Variants in SPIDR observed in about 807,000 individuals in gnomAD.
SPIDR encodes DNA repair-scaffolding protein.
SPIDR carries 93 observed loss-of-function variants against 104.6 expected under a neutral mutation model. The observed-to-expected ratio is 0.89, with a 90% CI of 0.75 to 1.06. The LOEUF is 1.06. SPIDR is among the 50% of genes least tolerant of loss of function. The pLI, the probability that SPIDR is intolerant of heterozygous loss-of-function variation, is 0.00. For missense variants in SPIDR, 1,154 were observed against 1,111.2 expected (o/e 1.04, Z -0.55); for synonymous variants, 431 against 416.9 (o/e 1.03, Z -0.41).
chr8:47,321,941 A>T lies in SPIDR; in HGVS notation c.525+27911A>T, dbSNP rs192007706. On this transcript the variant is annotated intron_variant, in intron 5 of 19. Coordinates refer to ENST00000297423, the MANE Select transcript of SPIDR (RefSeq NM_001080394.4). ...CTTCCTTACACCTTATACTAAAATT[A>T]ATTCAAGATGGATTAAAGACTTAAA... Among the ~76,000 whole-genome samples the T allele has an allele frequency of 2.6e-5, 4 of 152,328 alleles. No individual in the cohort carries two copies. In the East Asian group the frequency reaches 5.8e-4, roughly 22 times the overall value.
chr8:47,283,203 CTTGAGCACT>C (rs1160307479), intron 2 of SPIDR, among the ~76,000 whole-genome samples: 1 of 152,146 alleles, frequency 6.6e-6, no homozygotes, highest in African/African-American at 2.4e-5. Flanking sequence ...TCTTCCTTTG[CTTGAGCACT>C]TTGAGGCGAT....
Position 47,440,508 on chromosome 8 carries a change from C to T in SPIDR, c.1063C>T (p.Arg355Cys), listed in dbSNP as rs782555938. The T allele has an allele frequency of 1.9e-5, 30 of 1,614,084 alleles. No individual in the cohort carries two copies. In the South Asian group the frequency reaches 2.4e-4, roughly 13 times the overall value. Residue 355 changes from arginine to cysteine, a missense_variant, in exon 8 of 20, where the codon CGT (arginine) becomes TGT (cysteine). Physicochemically the swap from Arg to Cys is radical, Grantham distance 180. Transcript: ENST00000297423. The part of the protein sequence containing the change: ...TKETAGYLRG[R>C]PQDTVRIFPP... ...GGAGACTGCAGGCTACCTCAGGGGCCGTCCCCAGGACACTGTCCGGATCTT... is the reference window on the plus strand; with the variant it reads ...GGAGACTGCAGGCTACCTCAGGGGCTGTCCCCAGGACACTGTCCGGATCTT...
At chr8:47,735,276 G>A (rs2086106076) in intron 19 of SPIDR, 31 bp from the exon 20 acceptor site, 1 of 1,608,670 alleles carries the variant, frequency 6.2e-7, no homozygotes, top group Admixed American at 1.7e-5. Context: ...CAGGCTGTTT[G>A]CTTTAACCAG....
intron 1 of SPIDR, among the ~76,000 whole-genome samples, chr8:47,272,993 C>T (rs2035642561): frequency 6.6e-6 from 1 of 152,238 alleles, no homozygotes; most frequent in South Asian, 2.1e-4. Context: ...ACTGTTTTCC[C>T]CTCTTCTCTC....
chr8:47,488,859 A>G (rs1305326077), intron 8 of SPIDR, among the ~76,000 whole-genome samples: 2 of 152,248 alleles, frequency 1.3e-5, no homozygotes, highest in South Asian at 2.1e-4. Context: ...TCTCAAAATA[A>G]TAAGAGCTAT....
intron 8 of SPIDR, among the ~76,000 whole-genome samples, chr8:47,442,314 A>G (rs533135299): frequency 6.6e-6 from 1 of 152,328 alleles, no homozygotes; most frequent in African/African-American, 2.4e-5. Context: ...AAATTCTTAA[A>G]TATTCAATTA....
chr8:47,469,937 C>T (rs969066163), intron 8 of SPIDR, among the ~76,000 whole-genome samples: 16 of 152,076 alleles, frequency 1.1e-4, no homozygotes, highest in South Asian at 2.1e-4. Flanking sequence ...AAGGACATCC[C>T]GTGTTCATGA....
At chr8:47,413,243 T>G (rs2063780312) in intron 7 of SPIDR, among the ~76,000 whole-genome samples, 1 of 152,246 alleles carries the variant, frequency 6.6e-6, no homozygotes, top group African/African-American at 2.4e-5. Context: ...GCAGCGCTTT[T>G]GTTTCCTTTT....
Position 47,727,217 on chromosome 8 carries a change from G to T in SPIDR, c.2359G>T (p.Asp787Tyr). ...CSVQGTVVGV[D>Y]ESTAFSWPVC... ...GGGCCTAGGCACTGTGGTTGGCGTG[G>T]ACGAGAGCACTGCTTTCTCATGGCC... Residue 787 changes from aspartate to tyrosine, a missense_variant, in exon 17 of 20, where the codon GAC becomes TAC. By Grantham distance (160) the Asp-to-Tyr change is radical. Coordinates refer to ENST00000297423, the MANE Select transcript of SPIDR (RefSeq NM_001080394.4). The T allele has an allele frequency of 6.2e-7, 1 of 1,614,164 alleles. No individual in the cohort carries two copies. Among genetic ancestry groups the T allele is most frequent in the Non-Finnish European group, 8.5e-7 (1 of 1,180,036 alleles).
At chr8:47,310,308 T>C (rs1263045950) in intron 5 of SPIDR, among the ~76,000 whole-genome samples, 1 of 135,598 alleles carries the variant, frequency 7.4e-6, no homozygotes, top group Non-Finnish European at 1.5e-5. Flanking sequence ...CACTCCAGCC[T>C]GGGTGACAGA....
intron 1 of SPIDR, among the ~76,000 whole-genome samples, chr8:47,277,669 C>CTTT (rs1209041690): frequency 1.2e-3 from 128 of 110,490 alleles, no homozygotes; most frequent in East Asian, 1.5e-3. Context: ...TGTTTAACCT[C>CTTT]TTTTTTTTTT....
At chr8:47,637,491 A>G (rs1200070223) in intron 10 of SPIDR, among the ~76,000 whole-genome samples, 1 of 151,942 alleles carries the variant, frequency 6.6e-6, no homozygotes, top group Non-Finnish European at 1.5e-5. Context: ...AATTGCTTAA[A>G]CCCAGGAGGC....
In SPIDR at chr8:47,727,306, G is replaced by A; in HGVS notation, c.2435+13G>A. On this transcript the variant is annotated intron_variant, in intron 17 of 19. Transcript: ENST00000297423. ...GGCCGGAAGACAGGTAAGGGGACAG[G>A]AGCTGTCCTGAAAGCCCTAGAACTG... 2 of 1,611,176 alleles carry A rather than the reference G, an allele frequency of 1.2e-6. No individual in the cohort carries two copies. The highest frequency in any genetic ancestry group is 1.7e-6 in the Non-Finnish European group (2 of 1,177,476).
intron 8 of SPIDR, among the ~76,000 whole-genome samples, chr8:47,509,608 CA>C (rs1460673169): frequency 6.6e-6 from 1 of 152,084 alleles, no homozygotes; most frequent in Non-Finnish European, 1.5e-5. Flanking sequence ...ATCTAACAGA[CA>C]AAAAAGCAAG....
At chr8:47,702,097 TTA>T (rs878881563) in intron 14 of SPIDR, 82 bp downstream of exon 14, 1,558 of 60,938 alleles carry the variant, frequency 0.026, 96 homozygotes, top group African/African-American at 0.055. Flanking sequence ...TCTCTCTCTC[TTA>T]CACACACACA....
At chr8:47,319,775 A>T (rs1460402795) in intron 5 of SPIDR, among the ~76,000 whole-genome samples, 2 of 152,186 alleles carry the variant, frequency 1.3e-5, no homozygotes, top group Non-Finnish European at 2.9e-5. Flanking sequence ...TCAAACTAGA[A>T]CTCAGGATTA....
At chr8:47,300,769 T>C (rs1264839807) in intron 5 of SPIDR, among the ~76,000 whole-genome samples, 15 of 152,352 alleles carry the variant, frequency 9.8e-5, no homozygotes, top group African/African-American at 3.6e-4. Flanking sequence ...TGAGTGAGTT[T>C]CTTAATCCTG....
chr8:47,623,703 A>G (rs2065517109), intron 10 of SPIDR, among the ~76,000 whole-genome samples: 1 of 152,242 alleles, frequency 6.6e-6, no homozygotes, highest in Non-Finnish European at 1.5e-5. Context: ...TGAAATATAT[A>G]TGCACCCAAT....
intron 5 of SPIDR, among the ~76,000 whole-genome samples, chr8:47,319,040 T>C (rs1173074161): frequency 6.6e-6 from 1 of 151,508 alleles, no homozygotes; most frequent in African/African-American, 2.4e-5. Flanking sequence ...CATCAACTAA[T>C]GAGCAAAATA....
Sources: gnomAD v4.1 joint callset for allele counts (sites outside exome capture counted in the v4.1 genomes callset) on GRCh38, gnomAD v4.1.1 for gene constraint, MANE v1.5 for transcripts, NCBI Gene and HGNC (gene_info 2026-07-23, HGNC 2026-07-21) for gene names.